RIPOR3: variants seen among roughly 807,000 people sequenced by gnomAD.
RIPOR3 encodes the protein RIPOR family member 3, also known as family with sequence similarity 65 member C.
Under a neutral mutation model 114.3 loss-of-function variants are expected in RIPOR3, and 95 were observed. The ratio of observed to expected loss-of-function variants is 0.83; its 90% CI spans 0.70 to 0.99. The LOEUF (loss-of-function observed/expected upper bound fraction) is 0.99. Among genes scored for constraint, RIPOR3 ranks in the 50% least tolerant of loss-of-function variants. The probability of loss-of-function intolerance (pLI) is 0.00; values close to 1 mark genes in which losing one functional copy is unlikely to be tolerated. For missense variants in RIPOR3, 1,252 were observed against 1,266.9 expected (o/e 0.99, Z 0.18); for synonymous variants, 575 against 543.8 (o/e 1.06, Z -0.80).
At position 50,587,399 on chromosome 20, in the gene RIPOR3, AG is replaced by A. The variant is rs141313605; in HGVS notation, c.2753-68del. 2.4e-3 allele frequency: 3,377 copies of A among 1,394,816 alleles called. 13 individuals carry two copies. Among genetic ancestry groups the A allele is most frequent in the Non-Finnish European group, 3.0e-3 (2,995 of 989,296 alleles). The allele number at this position is 1,394,816 out of a possible 1,614,324, so 86.4% of individuals were successfully genotyped here. ...TTGGCACTTCCAACTCTCCTGGGCC[AG>A]GGTGGCCCTAGTGCTTAGTGACTGT... On this transcript the variant is annotated intron_variant, in intron 21 of 21. Coordinates refer to ENST00000327979, the MANE Select transcript of RIPOR3 (RefSeq NM_001290268.2).
At chr20:50,593,649 G>T (rs1032036295) in intron 17 of RIPOR3, among the ~76,000 whole-genome samples, 4 of 152,042 alleles carry the variant, frequency 2.6e-5, no homozygotes, top group African/African-American at 9.7e-5. Context: ...GGAGGAGTGT[G>T]CCCAGCTAGA....
intron 1 of RIPOR3, among the ~76,000 whole-genome samples, chr20:50,643,958 C>G (rs2085297967): frequency 6.6e-6 from 1 of 151,866 alleles, no homozygotes; most frequent in Admixed American, 6.6e-5. Flanking sequence ...CGTGATCCGC[C>G]CACCTCAGCC....
intron 3 of RIPOR3, 30 bp downstream of exon 3, chr20:50,619,956 T>C: frequency 6.3e-7 from 1 of 1,598,772 alleles, no homozygotes; most frequent in Non-Finnish European, 8.6e-7. Context: ...GGAATGCACT[T>C]CTTAAAGGCA....
intron 2 of RIPOR3, among the ~76,000 whole-genome samples, chr20:50,625,948 T>C (rs1321556487): frequency 6.6e-6 from 1 of 152,226 alleles, no homozygotes; most frequent in Non-Finnish European, 1.5e-5. Flanking sequence ...TAAAAATCCC[T>C]GTCTATAGTG....
chr20:50,652,609 A>G (rs867382848), intron 1 of RIPOR3, among the ~76,000 whole-genome samples: 211 of 146,864 alleles, frequency 1.4e-3, no homozygotes, highest in Middle Eastern at 3.5e-3. Context: ...AAAAAAAAAA[A>G]AAAAGAAAAG....
chr20:50,672,269 C>T (rs1400750928), intron 1 of RIPOR3, among the ~76,000 whole-genome samples: 1 of 152,180 alleles, frequency 6.6e-6, no homozygotes, highest in African/African-American at 2.4e-5. Flanking sequence ...GCCCGTTCCT[C>T]CTGGGGCTGC....
At position 50,620,840 on chromosome 20, in the gene RIPOR3, C is replaced by T. The variant is rs901831059; in HGVS notation, c.123-708G>A. On this transcript the variant is annotated intron_variant, in intron 2 of 21. Transcript: ENST00000327979. ...GAACGTGAGCAAGCCCAGGCACAGC[C>T]GCTGCAGTGGGTGTCTGACCAAATA... 1.4e-4 allele frequency: 123 copies of T among 865,892 alleles called. No individual in the cohort carries two copies. The Admixed American group carries it at 1.5e-3, about 11-fold the overall frequency. The allele number at this position is 865,892 out of a possible 1,614,324, so 53.6% of individuals were successfully genotyped here.
At chr20:50,608,999 C>G (rs757421685) in intron 8 of RIPOR3, 44 bp from the exon 9 acceptor site, 1 of 1,555,384 alleles carries the variant, frequency 6.4e-7, no homozygotes. Context: ...CTTCCACTCT[C>G]CCTGACCTGG....
intron 15 of RIPOR3, 26 bp downstream of exon 15, chr20:50,596,114 C>T: frequency 1.9e-6 from 3 of 1,613,882 alleles, no homozygotes; most frequent in East Asian, 2.2e-5. Context: ...TCTGCCCCTC[C>T]CTGACAAGTC....
chr20:50,593,139 C>G lies in RIPOR3; in HGVS notation c.2270G>C (p.Gly757Ala). Residue 757 changes from glycine (G) to alanine (A), a missense_variant, in exon 18 of 22, where the codon GGG becomes GCG. Gly to Ala is a moderately conservative substitution (Grantham distance 60). Coordinates refer to ENST00000327979, the MANE Select transcript of RIPOR3 (RefSeq NM_001290268.2). ...VSCGGLLPGA[G>A]LPEEQIITWF... is the part of the protein sequence containing the mutation. ...GGTAATGATCTGTTCTTCTGGGAGC[C>G]CAGCTCCGGGGAGCAGCCCACCACA... 1 of 1,613,904 alleles carries G rather than the reference C, an allele frequency of 6.2e-7. No individual in the cohort carries two copies. Among genetic ancestry groups the G allele is most frequent in the South Asian group, 1.1e-5 (1 of 91,078 alleles).
At chr20:50,592,901 C>T (rs776692728) in intron 18 of RIPOR3, 134 bp downstream of exon 18, 62 of 1,185,118 alleles carry the variant, frequency 5.2e-5, no homozygotes, top group Non-Finnish European at 6.7e-5. Context: ...CGCAGAATCT[C>T]ATTAAATCGG....
At chr20:50,610,703 C>G in intron 6 of RIPOR3, 150 bp downstream of exon 6, 1 of 1,043,258 alleles carries the variant, frequency 9.6e-7, no homozygotes, top group African/African-American at 1.6e-5. Context: ...CCCGAGGCCC[C>G]TGCTCATCCT....
chr20:50,591,564 G>C (rs1053300249), intron 19 of RIPOR3, among the ~76,000 whole-genome samples: 1 of 152,194 alleles, frequency 6.6e-6, no homozygotes, highest in African/African-American at 2.4e-5. Context: ...AGGGCTATTG[G>C]CAATGGAACT....
Position 50,658,720 on chromosome 20 carries a change from T to C in RIPOR3, c.4-27864A>G, listed in dbSNP as rs1218936826. ...ATTCTGTCTCAAAAAAAAAAAATTA[T>C]AATCAATCTTTACATGTTATTTTAT... On this transcript the variant is annotated intron_variant, in intron 1 of 21. Coordinates refer to ENST00000327979, the MANE Select transcript of RIPOR3 (RefSeq NM_001290268.2). Among the ~76,000 whole-genome samples the C allele has an allele frequency of 2.0e-5, 3 of 152,216 alleles. No homozygotes were observed. The East Asian group carries it at 5.8e-4, about 29-fold the overall frequency.
intron 1 of RIPOR3, among the ~76,000 whole-genome samples, chr20:50,676,118 T>C (rs1328641709): frequency 6.6e-6 from 1 of 152,150 alleles, no homozygotes; most frequent in Non-Finnish European, 1.5e-5. Context: ...TTCATCTGAG[T>C]TCCTTCGCCT....
Position 50,593,171 on chromosome 20 carries a change from C to T in RIPOR3, c.2238G>A (p.Val746=), listed in dbSNP as rs566008183. Residue 746 remains valine, a synonymous_variant, in exon 18 of 22, where the codon GTG becomes GTA. Transcript: ENST00000327979. ...EIACRRLLEQ[V]VSCGGLLPGA... ...CGGGGAGCAGCCCACCACAGCTGACCACCTGCTCCAGGAGCCTGCGGCACG... is the reference window on the plus strand; with the variant it reads ...CGGGGAGCAGCCCACCACAGCTGACTACCTGCTCCAGGAGCCTGCGGCACG... 3.2e-5 allele frequency: 52 copies of T among 1,613,326 alleles called. No homozygotes were observed. In the South Asian group the frequency reaches 5.5e-4, roughly 17 times the overall value.
At chr20:50,643,400 G>T (rs1447562474) in intron 1 of RIPOR3, among the ~76,000 whole-genome samples, 26 of 149,706 alleles carry the variant, frequency 1.7e-4, no homozygotes, top group Admixed American at 1.5e-3. Context: ...GCCTCCCAAA[G>T]TGTGGGGATT....
chr20:50,662,492 C>T (rs1021523794), intron 1 of RIPOR3, among the ~76,000 whole-genome samples: 8 of 152,192 alleles, frequency 5.3e-5, no homozygotes, highest in African/African-American at 1.9e-4. Flanking sequence ...ATAGGTGCAG[C>T]CGTGACTGCT....
rs181436399 is a variant in RIPOR3, at chr20:50,592,967, G to T, written c.2374+68C>A. 71 of 1,570,522 alleles carry T rather than the reference G, an allele frequency of 4.5e-5. No homozygotes were observed. The African/African-American group carries it at 7.3e-4, about 16-fold the overall frequency. The stretch of plus-strand genomic sequence containing the variant: ...ATGTAGTGGTTCTGAATTATAACCT[G>T]AGAAACTGCATGTGACAGGGCTCCG... On this transcript the variant is annotated intron_variant, in intron 18 of 21. Transcript: ENST00000327979.
Sources: allele counts gnomAD v4.1 joint callset (sites outside exome capture counted in the v4.1 genomes callset), GRCh38; gene constraint gnomAD v4.1.1; transcripts MANE v1.5; gene names NCBI Gene and HGNC (gene_info 2026-07-23, HGNC 2026-07-21).